PPP6R2: variants seen among roughly 807,000 people sequenced by gnomAD.
The protein encoded by PPP6R2 is protein phosphatase 6 regulatory subunit 2.
Under a neutral mutation model 100.2 loss-of-function variants are expected in PPP6R2, and 62 were observed. That is an observed-to-expected ratio of 0.62 (90% CI 0.50 to 0.76). PPP6R2 has a LOEUF of 0.76. Among genes scored for constraint, PPP6R2 ranks in the 30% least tolerant of loss-of-function variants. The pLI is 0.00. For synonymous variants in PPP6R2, 525 were observed against 514.7 expected (o/e 1.02, Z -0.27); for missense variants, 1,142 against 1,276.3 (o/e 0.89, Z 1.60).
intron 2 of PPP6R2, among the ~76,000 whole-genome samples, chr22:50,375,045 G>T (rs536171483): frequency 6.6e-6 from 1 of 152,194 alleles, no homozygotes; most frequent in East Asian, 1.9e-4. Flanking sequence ...TGGAACATTA[G>T]CTAGGTTGAC....
intron 22 of PPP6R2, among the ~76,000 whole-genome samples, chr22:50,442,811 C>CA (rs1423041100): frequency 2.6e-5 from 4 of 151,466 alleles, no homozygotes; most frequent in African/African-American, 9.7e-5. Context: ...CTCGGCCTCC[C>CA]AAAGTGCTGG....
chr22:50,436,962 C>G, intron 14 of PPP6R2, 26 bp from the exon 15 acceptor site: 1 of 1,544,660 alleles, frequency 6.5e-7, no homozygotes, highest in South Asian at 1.2e-5. Context: ...GGCTCACACG[C>G]CCACCCCATC....
chr22:50,410,992 A>G (rs1363373980), intron 4 of PPP6R2, among the ~76,000 whole-genome samples: 1 of 152,120 alleles, frequency 6.6e-6, no homozygotes, highest in Admixed American at 6.5e-5. Flanking sequence ...GGGTTTCACC[A>G]TGTTGGCAAG....
chr22:50,424,243 C>A (rs1221104475), intron 10 of PPP6R2, among the ~76,000 whole-genome samples: 1 of 152,148 alleles, frequency 6.6e-6, no homozygotes, highest in Non-Finnish European at 1.5e-5. Flanking sequence ...CCGTCTTCTG[C>A]CTGGCTCTGG....
chr22:50,441,548 C>T (rs2065626480), intron 22 of PPP6R2, among the ~76,000 whole-genome samples: 1 of 152,152 alleles, frequency 6.6e-6, no homozygotes, highest in Non-Finnish European at 1.5e-5. Context: ...CGAGACGCCT[C>T]AGAAGCAGGA....
At chr22:50,419,208 C>A in intron 7 of PPP6R2, 141 bp from the exon 8 acceptor site, 1 of 788,624 alleles carries the variant, frequency 1.3e-6, no homozygotes, top group Non-Finnish European at 2.1e-6. Context: ...CAGGAGTGTC[C>A]TGAGAACCCT....
intron 2 of PPP6R2, among the ~76,000 whole-genome samples, chr22:50,389,962 C>T (rs927982036): frequency 6.7e-6 from 1 of 150,312 alleles, no homozygotes; most frequent in Non-Finnish European, 1.5e-5. Context: ...TCTTGTTATG[C>T]GGAGATTTTT....
chr22:50,444,206 G>T lies in PPP6R2; in HGVS notation c.2839G>T (p.Asp947Tyr), dbSNP rs140182883. 2 of 1,612,960 alleles carry T rather than the reference G, an allele frequency of 1.2e-6. No homozygotes were observed. Among genetic ancestry groups the T allele is most frequent in the Admixed American group, 1.7e-5 (1 of 59,894 alleles). The change falls in exon 24 of 24, where the codon GAT (aspartate) becomes TAT (tyrosine). Residue 947 changes from aspartate (D) to tyrosine (Y), a missense_variant. Physicochemically the swap from Asp to Tyr is radical, Grantham distance 160. Coordinates refer to ENST00000612753, the MANE Select transcript of PPP6R2 (RefSeq NM_001242898.2). Reference sequence around the variant, plus strand: ...CCCACCCCATTCCTGCAGGAAGACAGATGCCCCGCCAGAAGGAGCTGCCTT... The same window carrying T: ...CCCACCCCATTCCTGCAGGAAGACATATGCCCCGCCAGAAGGAGCTGCCTT... ...LGTVTKDGKTDAPPEGAALNG... is the reference protein window; with the variant it reads ...LGTVTKDGKTYAPPEGAALNG...
chr22:50,383,490 C>T (rs1046611260), intron 2 of PPP6R2, among the ~76,000 whole-genome samples: 2 of 152,184 alleles, frequency 1.3e-5, no homozygotes, highest in Non-Finnish European at 2.9e-5. Flanking sequence ...GAGATTGCTT[C>T]TCTTTTGGTA....
At chr22:50,382,327 G>A (rs755354913) in intron 2 of PPP6R2, among the ~76,000 whole-genome samples, 16 of 152,146 alleles carry the variant, frequency 1.1e-4, no homozygotes, top group Non-Finnish European at 2.2e-4. Context: ...AACAGGGCAC[G>A]GTGGCTCATG....
chr22:50,426,034 C>T (rs543805581), intron 10 of PPP6R2, among the ~76,000 whole-genome samples: 4 of 152,154 alleles, frequency 2.6e-5, no homozygotes, highest in African/African-American at 9.6e-5. Context: ...CTTCCTGTAA[C>T]CTTGAACTCC....
rs9628257 is a variant in PPP6R2 at position 50,421,648 on chromosome 22, C to T, written c.846-606C>T. 1.7e-3 allele frequency among the ~76,000 whole-genome samples: 258 copies of T among 152,258 alleles called. 1 individual carries two copies. The highest frequency in any genetic ancestry group is 6.0e-3 in the African/African-American group (251 of 41,566). ...CACAGGGGGTAGGCGCAGTGGCTCA[C>T]GCTTGTAATCCCAGCACTTTGGGAG... On this transcript the variant is annotated intron_variant, in intron 8 of 23. Transcript: ENST00000612753.
In PPP6R2 at chr22:50,444,206, G is replaced by C. The variant is rs140182883; in HGVS notation, c.2839G>C (p.Asp947His). 6.2e-7 allele frequency: 1 copy of C among 1,613,076 alleles called. No individual in the cohort carries two copies. Among genetic ancestry groups the C allele is most frequent in the Non-Finnish European group, 8.5e-7 (1 of 1,179,846 alleles). The change falls in exon 24 of 24, where the codon GAT becomes CAT. Residue 947 changes from aspartate to histidine, a missense_variant. Physicochemically the swap from Asp to His is moderately conservative, Grantham distance 81. Around this residue, in one of 2 missense-constraint regions of PPP6R2, gnomAD observed 550 missense variants for 517.4 expected, o/e 1.06. Coordinates refer to ENST00000612753, the MANE Select transcript of PPP6R2 (RefSeq NM_001242898.2). ...CCCACCCCATTCCTGCAGGAAGACA[G>C]ATGCCCCGCCAGAAGGAGCTGCCTT... ...LGTVTKDGKTDAPPEGAALNG... is the reference protein window; with the variant it reads ...LGTVTKDGKTHAPPEGAALNG...
chr22:50,337,656 G>T, the PPP6R2 span, among the ~76,000 whole-genome samples: 3 of 105,006 alleles, frequency 2.9e-5, no homozygotes, highest in African/African-American at 1.8e-4. Context: ...GTGTGTGTGT[G>T]GTGTGTGTGG....
At chr22:50,411,692 G>A (rs774758359) in intron 4 of PPP6R2, among the ~76,000 whole-genome samples, 50 of 152,096 alleles carry the variant, frequency 3.3e-4, no homozygotes, top group Admixed American at 6.6e-5. Flanking sequence ...GGTGGAGGTT[G>A]CAGTGAGCCG....
At chr22:50,354,055 A>G (rs1239219059) in intron 1 of PPP6R2, among the ~76,000 whole-genome samples, 2 of 152,188 alleles carry the variant, frequency 1.3e-5, no homozygotes, top group Non-Finnish European at 2.9e-5. Flanking sequence ...CTGTAATCTC[A>G]GCACTTTTGG....
intron 1 of PPP6R2, among the ~76,000 whole-genome samples, chr22:50,352,202 A>C (rs1384660622): frequency 6.6e-6 from 1 of 152,054 alleles, no homozygotes; most frequent in South Asian, 2.1e-4. Flanking sequence ...CGGCCTCCCA[A>C]AGTGCTGGGA....
At chr22:50,399,807 C>T (rs2057725548) in intron 3 of PPP6R2, among the ~76,000 whole-genome samples, 2 of 152,276 alleles carry the variant, frequency 1.3e-5, no homozygotes, top group African/African-American at 4.8e-5. Flanking sequence ...TGGCTGGTCA[C>T]CTTCTGGAGT....
In PPP6R2 at chr22:50,437,697, C is replaced by T. The variant is rs2064667438; in HGVS notation, c.1781+94C>T. ...GCTCCCTGAGGTCTTGCCGGGAGTGCCGTCTGATGTCCCCGGGAGACAGCA... is the reference window on the plus strand; with the variant it reads ...GCTCCCTGAGGTCTTGCCGGGAGTGTCGTCTGATGTCCCCGGGAGACAGCA... On this transcript the variant is annotated intron_variant, in intron 16 of 23. Coordinates refer to ENST00000612753, the MANE Select transcript of PPP6R2 (RefSeq NM_001242898.2). The T allele has an allele frequency of 3.6e-6, 5 of 1,404,894 alleles. No individual in the cohort carries two copies. In the East Asian group the frequency reaches 1.2e-4, roughly 33 times the overall value. The allele number at this position is 1,404,894 out of a possible 1,614,324, so 87.0% of individuals were successfully genotyped here.
Sources: gnomAD v4.1 joint callset for allele counts (sites outside exome capture counted in the v4.1 genomes callset) on GRCh38, gnomAD v4.1.1 for gene constraint, gnomAD v4.1.1 regional missense constraint, MANE v1.5 for transcripts, NCBI Gene and HGNC (gene_info 2026-07-23, HGNC 2026-07-21) for gene names.